The following ITGBL1 variants were observed in gnomAD, a reference collection of about 807,000 sequenced individuals.
ITGBL1 encodes the protein integrin subunit beta like 1.
Under a neutral mutation model 68.5 loss-of-function variants are expected in ITGBL1, and 51 were observed. The ratio of observed to expected loss-of-function variants is 0.74; its 90% CI spans 0.59 to 0.94. The LOEUF (loss-of-function observed/expected upper bound fraction) is 0.94, where lower values mean the gene tolerates loss of function less well. Ranked by LOEUF, ITGBL1 falls within the 40% of genes least tolerant of loss-of-function variation. The probability of loss-of-function intolerance (pLI) is 0.00; values close to 1 mark genes in which losing one functional copy is unlikely to be tolerated. For missense variants in ITGBL1, 649 were observed against 647.4 expected (o/e 1.00, Z -0.03); for synonymous variants, 209 against 227.3 (o/e 0.92, Z 0.72).
chr13:101,610,301 T>C (rs944657398), intron 7 of ITGBL1, among the ~76,000 whole-genome samples: 1 of 152,260 alleles, frequency 6.6e-6, no homozygotes, highest in East Asian at 1.9e-4. Flanking sequence ...ACAGATGTTC[T>C]TTCTAATAGA....
chr13:101,680,232 A>AT (rs1236986771), intron 7 of ITGBL1, among the ~76,000 whole-genome samples: 2 of 152,198 alleles, frequency 1.3e-5, no homozygotes, highest in Non-Finnish European at 2.9e-5. Flanking sequence ...TAGAAATTGC[A>AT]AGGGAACTTA....
intron 9 of ITGBL1, among the ~76,000 whole-genome samples, chr13:101,709,950 G>A (rs1212845045): frequency 1.3e-5 from 2 of 152,114 alleles, no homozygotes; most frequent in Non-Finnish European, 2.9e-5. Flanking sequence ...ACAGCCCTAG[G>A]AAAGATTCTC....
At chr13:101,499,729 T>A (rs2048911543) in intron 2 of ITGBL1, among the ~76,000 whole-genome samples, 1 of 152,224 alleles carries the variant, frequency 6.6e-6, no homozygotes, top group Admixed American at 6.5e-5. Context: ...CCCATAGGAA[T>A]CTTTACTGGA....
At chr13:101,554,349 T>G (rs1487329280) in intron 2 of ITGBL1, among the ~76,000 whole-genome samples, 1 of 152,194 alleles carries the variant, frequency 6.6e-6, no homozygotes, top group Admixed American at 6.5e-5. Flanking sequence ...ACAATAATCC[T>G]TGGGAGTAAA....
intron 2 of ITGBL1, among the ~76,000 whole-genome samples, chr13:101,454,399 TCCCC>T (rs10524609): frequency 0.29 from 38,767 of 134,920 alleles, 6,684 homozygotes; most frequent in Non-Finnish European, 0.36. Context: ...CCCTGGCTGG[TCCCC>T]CCCCCCCCCC....
At chr13:101,607,508 T>G (rs2030926919) in intron 7 of ITGBL1, among the ~76,000 whole-genome samples, 1 of 152,022 alleles carries the variant, frequency 6.6e-6, no homozygotes, top group Non-Finnish European at 1.5e-5. Flanking sequence ...GATATCTATA[T>G]GTTCTTTTAT....
chr13:101,695,962 C>T (rs1215193333), intron 8 of ITGBL1, among the ~76,000 whole-genome samples: 1 of 152,100 alleles, frequency 6.6e-6, no homozygotes, highest in Non-Finnish European at 1.5e-5. Context: ...CAGTCTTGTC[C>T]CTTGTGGGCT....
intron 7 of ITGBL1, among the ~76,000 whole-genome samples, chr13:101,670,345 C>A (rs940581464): frequency 6.6e-6 from 1 of 152,144 alleles, no homozygotes; most frequent in Admixed American, 6.5e-5. Flanking sequence ...AAGCAGACAA[C>A]AATCACACTG....
At chr13:101,657,000 C>T (rs1453879855) in intron 7 of ITGBL1, among the ~76,000 whole-genome samples, 1 of 149,762 alleles carries the variant, frequency 6.7e-6, no homozygotes, top group Non-Finnish European at 1.5e-5. Flanking sequence ...TACATGTGCA[C>T]ATTGTGCAGG....
At chr13:101,672,674 C>T (rs1006390934) in intron 7 of ITGBL1, among the ~76,000 whole-genome samples, 10 of 152,224 alleles carry the variant, frequency 6.6e-5, no homozygotes, top group Non-Finnish European at 1.5e-4. Context: ...CCTGTAGAAT[C>T]CAGTGCACTC....
intron 7 of ITGBL1, among the ~76,000 whole-genome samples, chr13:101,671,061 T>C (rs1483553891): frequency 6.6e-6 from 1 of 152,210 alleles, no homozygotes; most frequent in Admixed American, 6.5e-5. Flanking sequence ...ATAGTTATTC[T>C]AAATCTTTGT....
At chr13:101,508,190 A>C (rs1175434839) in intron 2 of ITGBL1, among the ~76,000 whole-genome samples, 1 of 152,156 alleles carries the variant, frequency 6.6e-6, no homozygotes, top group Non-Finnish European at 1.5e-5. Flanking sequence ...CTAGAATGTA[A>C]GCTCCATAAA....
At chr13:101,674,728 T>C (rs1320279827) in intron 7 of ITGBL1, among the ~76,000 whole-genome samples, 2 of 152,096 alleles carry the variant, frequency 1.3e-5, no homozygotes, top group Non-Finnish European at 2.9e-5. Context: ...GTTCATGAGA[T>C]TGATTTGTAA....
chr13:101,588,782 T>C (rs572199784), intron 6 of ITGBL1, among the ~76,000 whole-genome samples: 165 of 152,286 alleles, frequency 1.1e-3, no homozygotes, highest in African/African-American at 3.8e-3. Context: ...CTCTTCTATA[T>C]AGCAAAACCC....
chr13:101,550,417 G>A (rs1048793657), intron 2 of ITGBL1, among the ~76,000 whole-genome samples: 2 of 152,178 alleles, frequency 1.3e-5, no homozygotes, highest in African/African-American at 2.4e-5. Context: ...CCAACTGCAT[G>A]TTCAAACACC....
chr13:101,649,254 T>C (rs1477067760), intron 7 of ITGBL1, among the ~76,000 whole-genome samples: 3 of 152,184 alleles, frequency 2.0e-5, no homozygotes, highest in African/African-American at 7.2e-5. Flanking sequence ...AATGAGACAG[T>C]TGTGAACTGA....
At chr13:101,594,791 G>C (rs1004779525) in intron 6 of ITGBL1, among the ~76,000 whole-genome samples, 1 of 152,084 alleles carries the variant, frequency 6.6e-6, no homozygotes, top group African/African-American at 2.4e-5. Context: ...TTTATTTTGG[G>C]CCAGGCACAT....
chr13:101,612,021 C>T (rs1294115770), intron 7 of ITGBL1, among the ~76,000 whole-genome samples: 1 of 152,124 alleles, frequency 6.6e-6, no homozygotes, highest in Non-Finnish European at 1.5e-5. Context: ...TCAGTTATGG[C>T]ATTCTTTCCT....
downstream of ITGBL1, chr13:101,717,017 AACC>A (rs946674616): frequency 9.9e-5 from 15 of 152,072 alleles, 1 homozygote; most frequent in Admixed American, 1.3e-4. Context: ...CTAAAAAAAA[AACC>A]ACTTTTTTTC....
Sources: gnomAD v4.1 joint callset for allele counts (sites outside exome capture counted in the v4.1 genomes callset) on GRCh38, gnomAD v4.1.1 for gene constraint, MANE v1.5 for transcripts, NCBI Gene and HGNC (gene_info 2026-07-23, HGNC 2026-07-21) for gene names.